The following CACNA1C variants were observed in gnomAD, a reference collection of about 807,000 sequenced individuals.
CACNA1C encodes voltage-dependent L-type calcium channel subunit alpha-1C.
A neutral mutation model predicts 229.0 loss-of-function variants in CACNA1C; 30 were observed. That is an observed-to-expected ratio of 0.13 (90% CI 0.10 to 0.18). The LOEUF (loss-of-function observed/expected upper bound fraction) is 0.18. CACNA1C is among the 10% of genes least tolerant of loss of function. CACNA1C has a pLI of 1.00. For missense variants in CACNA1C, 1,658 were observed against 2,845.0 expected (o/e 0.58, Z 9.49); for synonymous variants, 1,114 against 1,132.5 (o/e 0.98, Z 0.33).
intron 5 of CACNA1C, among the ~76,000 whole-genome samples, chr12:2,466,720 G>C (rs1455625650): frequency 6.6e-6 from 1 of 152,192 alleles, no homozygotes; most frequent in Non-Finnish European, 1.5e-5. Context: ...ACCCGGACAA[G>C]CCTGGAGACC....
intron 1 of CACNA1C, among the ~76,000 whole-genome samples, chr12:2,069,182 G>A (rs1258321044): frequency 3.9e-5 from 6 of 152,174 alleles, no homozygotes; most frequent in African/African-American, 1.4e-4. Context: ...ATCACAGCCT[G>A]CAATCCCATG....
At position 2,680,501 on chromosome 12, in the gene CACNA1C, C is replaced by A. The variant is rs947220361; in HGVS notation, c.5444+705C>A. ...AGGACACACCCTGCATCGTGCCTGG[C>A]CACGCTTCACTGTGCTGCTCTTCCA... On this transcript the variant is annotated intron_variant, in intron 42 of 46. Transcript: ENST00000399655. 5.7e-6 allele frequency: 9 copies of A among 1,570,638 alleles called. No homozygotes were observed. The Admixed American group carries it at 9.2e-5, about 16-fold the overall frequency.
intron 1 of CACNA1C, among the ~76,000 whole-genome samples, chr12:2,018,574 C>T (rs1045572556): frequency 1.5e-4 from 23 of 152,124 alleles, no homozygotes; most frequent in African/African-American, 5.3e-4. Flanking sequence ...TGGCTGTGGA[C>T]GAGCGCTTCC....
At chr12:2,167,769 G>A (rs1020643855) in intron 3 of CACNA1C, among the ~76,000 whole-genome samples, 4 of 152,022 alleles carry the variant, frequency 2.6e-5, no homozygotes, top group Non-Finnish European at 5.9e-5. Flanking sequence ...TTTTCCAGCT[G>A]CCCTTCTGAT....
chr12:2,433,663 C>G (rs549971499), intron 3 of CACNA1C, among the ~76,000 whole-genome samples: 35 of 124,220 alleles, frequency 2.8e-4, no homozygotes, highest in Middle Eastern at 4.5e-3. Context: ...CCCTCCATTG[C>G]CTACAGACAG....
intron 1 of CACNA1C, chr12:1,991,764 A>G (rs980782517): frequency 2.6e-5 from 4 of 156,170 alleles, no homozygotes; most frequent in African/African-American, 7.2e-5. Context: ...TTATTTTTTA[A>G]ATTGATGCAT....
chr12:2,635,954 C>T (rs905585897), intron 30 of CACNA1C, among the ~76,000 whole-genome samples: 4 of 152,326 alleles, frequency 2.6e-5, no homozygotes, highest in East Asian at 1.9e-4. Flanking sequence ...TCTTCCTACT[C>T]GTGCTCTGAG....
At chr12:2,031,746 C>T (rs1356308901) in intron 1 of CACNA1C, among the ~76,000 whole-genome samples, 1 of 152,122 alleles carries the variant, frequency 6.6e-6, no homozygotes. Context: ...GTAAGGAATG[C>T]TTTGATACCA....
chr12:2,296,346 C>T (rs1013584796), intron 3 of CACNA1C, among the ~76,000 whole-genome samples: 1 of 152,180 alleles, frequency 6.6e-6, no homozygotes, highest in Non-Finnish European at 1.5e-5. Context: ...ACAGTCTGGC[C>T]TTGCAGATCC....
At chr12:2,558,942 T>TA (rs530729427) in intron 11 of CACNA1C, among the ~76,000 whole-genome samples, 46 of 148,836 alleles carry the variant, frequency 3.1e-4, no homozygotes, top group South Asian at 6.4e-4. Context: ...CCAGAAATAT[T>TA]AAAAAAAAAA....
At chr12:2,052,711 G>C (rs1363497474), upstream of CACNA1C, among the ~76,000 whole-genome samples, 1 of 145,328 alleles carries the variant, frequency 6.9e-6, no homozygotes, top group South Asian at 2.1e-4. Flanking sequence ...CGGCGGCCGG[G>C]GCCCGCTCCC....
intron 1 of CACNA1C, among the ~76,000 whole-genome samples, chr12:2,092,859 C>G (rs1177332076): frequency 6.6e-6 from 1 of 152,212 alleles, no homozygotes; most frequent in African/African-American, 2.4e-5. Flanking sequence ...AAATGAGTCT[C>G]ATGTCTAATT....
chr12:2,258,874 A>T (rs192781446), intron 3 of CACNA1C, among the ~76,000 whole-genome samples: 2 of 152,378 alleles, frequency 1.3e-5, no homozygotes, highest in East Asian at 3.9e-4. Context: ...AGAAGAAGGC[A>T]CAAATCTCCC....
rs1458880781 is a variant in CACNA1C, at chr12:2,181,147, G to T, written c.477+60717G>T. On this transcript the variant is annotated intron_variant, in intron 3 of 46. Transcript: ENST00000399655. The surrounding 1 kb of genome is among the most constrained non-coding windows in gnomAD (Gnocchi z 4.0). ...TAAAGCATGTAGCATAGTGCCTGTG[G>T]ACAGGAGAGCCCAGTCCGTGACGGC... 2.2e-4 allele frequency among the ~76,000 whole-genome samples: 34 copies of T among 152,108 alleles called. No individual in the cohort carries two copies. The highest frequency in any genetic ancestry group is 2.2e-3 in the Admixed American group (34 of 15,280).
chr12:2,646,109 C>G lies in CACNA1C; in HGVS notation c.3913-2366C>G, dbSNP rs150458315. The stretch of plus-strand genomic sequence containing the variant: ...CAAAATACTATCAAGATTATCTGAA[C>G]AGATCCAAAGTCAAGTCTTGAAGTG... On this transcript the variant is annotated intron_variant, in intron 30 of 46. Coordinates refer to ENST00000399655, the MANE Select transcript of CACNA1C (RefSeq NM_000719.7). The surrounding 1 kb of genome is among the most constrained non-coding windows in gnomAD (Gnocchi z 4.6). Among the ~76,000 whole-genome samples, 4 of 152,256 alleles carry G rather than the reference C, an allele frequency of 2.6e-5. No individual in the cohort carries two copies. Among genetic ancestry groups the G allele is most frequent in the Non-Finnish European group, 5.9e-5 (4 of 68,010 alleles).
chr12:2,271,084 C>T (rs183208453), intron 3 of CACNA1C, among the ~76,000 whole-genome samples: 6 of 152,256 alleles, frequency 3.9e-5, no homozygotes, highest in South Asian at 4.2e-4. Flanking sequence ...CCACAGGGTC[C>T]TGGGCCCGAT....
At chr12:2,144,564 A>G (rs1273980869) in intron 3 of CACNA1C, among the ~76,000 whole-genome samples, 2 of 151,296 alleles carry the variant, frequency 1.3e-5, no homozygotes, top group Non-Finnish European at 3.0e-5. Context: ...ATCTATTTAC[A>G]TAATTATTTA....
At chr12:2,393,830 T>G (rs56151937) in intron 3 of CACNA1C, among the ~76,000 whole-genome samples, 31,653 of 151,990 alleles carry the variant, frequency 0.21, 4,130 homozygotes, top group African/African-American at 0.36. Context: ...TGGGGATTGG[T>G]CGTGGAGGCT....
chr12:2,482,611 C>T (rs1439102981), intron 5 of CACNA1C, among the ~76,000 whole-genome samples: 1 of 152,212 alleles, frequency 6.6e-6, no homozygotes. Context: ...AGTTGGAGGG[C>T]CTTTGGTGTT....
Sources: allele counts gnomAD v4.1 joint callset (sites outside exome capture counted in the v4.1 genomes callset), GRCh38; gene constraint gnomAD v4.1.1; non-coding constraint Gnocchi (gnomAD v3.1); transcripts MANE v1.5; gene names NCBI Gene and HGNC (gene_info 2026-07-23, HGNC 2026-07-21).